Variants in UBA3 observed in about 807,000 individuals in gnomAD.
The protein encoded by UBA3 is ubiquitin like modifier activating enzyme 3.
In UBA3, 26 loss-of-function variants were observed where a neutral mutation model predicts 73.5. That is an observed-to-expected ratio of 0.35 (90% CI 0.26 to 0.49). The LOEUF is 0.49. Ranked by LOEUF, UBA3 falls within the 20% of genes least tolerant of loss-of-function variation. The probability of loss-of-function intolerance (pLI) is 0.98; values close to 1 mark genes in which losing one functional copy is unlikely to be tolerated. For missense variants in UBA3, 495 were observed against 555.6 expected, an observed-to-expected ratio of 0.89 and a Z score of 1.10; for synonymous variants, 217 against 191.2, an observed-to-expected ratio of 1.13 and a Z score of -1.11.
At chr3:69,071,512 AC>A in intron 5 of UBA3, 22 bp downstream of exon 5, 1 of 1,323,468 alleles carries the variant, frequency 7.6e-7, no homozygotes. Flanking sequence ...AAAAAAGAAA[AC>A]CGCTAAGATA....
At chr3:69,068,320 C>G (rs1242353437) in intron 5 of UBA3, among the ~76,000 whole-genome samples, 1 of 152,048 alleles carries the variant, frequency 6.6e-6, no homozygotes, top group Non-Finnish European at 1.5e-5. Flanking sequence ...CCACTTTCCA[C>G]TGTAAAAAAT....
At chr3:69,065,242 C>T (rs1434955068) in intron 6 of UBA3, among the ~76,000 whole-genome samples, 2 of 151,858 alleles carry the variant, frequency 1.3e-5, no homozygotes, top group Non-Finnish European at 2.9e-5. Flanking sequence ...ACCAACCCAC[C>T]CCCACCAACT....
chr3:69,078,763 G>A (rs2092192106), intron 2 of UBA3, among the ~76,000 whole-genome samples: 1 of 152,122 alleles, frequency 6.6e-6, no homozygotes, highest in Non-Finnish European at 1.5e-5. Context: ...ATGAGCCACC[G>A]AACCTGGCAG....
chr3:69,077,220 A>G (rs1261064656), intron 3 of UBA3: 1 of 152,050 alleles, frequency 6.6e-6, no homozygotes, highest in Non-Finnish European at 1.5e-5. Context: ...TTATGGGAGT[A>G]ACACAATATT....
At chr3:69,073,699 G>A (rs2092140928) in intron 4 of UBA3, among the ~76,000 whole-genome samples, 1 of 147,890 alleles carries the variant, frequency 6.8e-6, no homozygotes, top group South Asian at 2.2e-4. Flanking sequence ...GCAGTGGTGT[G>A]ATCTCGGCTC....
intron 5 of UBA3, among the ~76,000 whole-genome samples, chr3:69,070,556 A>G (rs1430811943): frequency 1.1e-4 from 16 of 152,180 alleles, no homozygotes; most frequent in Admixed American, 1.0e-3. Context: ...ACTTTTACCT[A>G]AACTACTCAA....
chr3:69,075,366 A>AT lies in UBA3; in HGVS notation c.264+63dup, dbSNP rs764101443. Reference sequence around the variant, plus strand: ...CACGAGAAATTCCCTAGTATGACAGATAAGTAAGGTTTACTTATCACAAAG... The same window carrying AT: ...CACGAGAAATTCCCTAGTATGACAGATTAAGTAAGGTTTACTTATCACAAAG... On this transcript the variant is annotated intron_variant, in intron 4 of 17. Transcript: ENST00000361055. The AT allele has an allele frequency of 1.0e-4, 79 of 780,090 alleles. 1 individual carries two copies. The East Asian group carries it at 1.7e-3, about 17-fold the overall frequency. The allele number at this position is 780,090 out of a possible 1,614,324, so 48.3% of individuals were successfully genotyped here.
At chr3:69,068,274 C>G (rs2092090534) in intron 5 of UBA3, among the ~76,000 whole-genome samples, 1 of 152,034 alleles carries the variant, frequency 6.6e-6, no homozygotes, top group Non-Finnish European at 1.5e-5. Flanking sequence ...AGTGTTCTTC[C>G]TCCCAGATAA....
At chr3:69,060,968 C>T (rs2092016323) in intron 11 of UBA3, among the ~76,000 whole-genome samples, 1 of 152,218 alleles carries the variant, frequency 6.6e-6, no homozygotes, top group African/African-American at 2.4e-5. Flanking sequence ...GCCTGCAGAA[C>T]CATGAGCCAA....
intron 2 of UBA3, 116 bp downstream of exon 2, chr3:69,079,996 G>T: frequency 1.0e-6 from 1 of 968,200 alleles, no homozygotes; most frequent in Non-Finnish European, 1.5e-6. Flanking sequence ...AGCGCGGCCT[G>T]CGCTCCGGGT....
At chr3:69,077,605 G>T in intron 3 of UBA3, 193 bp downstream of exon 3, 1 of 581,940 alleles carries the variant, frequency 1.7e-6, no homozygotes, top group Non-Finnish European at 2.7e-6. Context: ...TATATTACAT[G>T]AGAAATGTTA....
At chr3:69,069,157 A>T (rs1270193464) in intron 5 of UBA3, among the ~76,000 whole-genome samples, 1 of 152,098 alleles carries the variant, frequency 6.6e-6, no homozygotes, top group Non-Finnish European at 1.5e-5. Context: ...TATCATACCC[A>T]CTAGACTATT....
intron 1 of UBA3, 77 bp from the exon 2 acceptor site, chr3:69,080,230 G>C: frequency 6.7e-7 from 1 of 1,488,926 alleles, no homozygotes; most frequent in Non-Finnish European, 9.1e-7. Flanking sequence ...CGAGGGGACG[G>C]GGCGGGGGGT....
chr3:69,071,808 C>A (rs1260721365), intron 4 of UBA3, among the ~76,000 whole-genome samples, 191 bp from the exon 5 acceptor site: 2 of 152,190 alleles, frequency 1.3e-5, no homozygotes, highest in Non-Finnish European at 2.9e-5. Flanking sequence ...AGTGTACAAT[C>A]ACTCAGTTTC....
At position 69,056,633 on chromosome 3, in the gene UBA3, G is replaced by T. The variant is rs149648949; in HGVS notation, c.1062C>A (p.Tyr354Ter). 1 of 1,611,980 alleles carries T rather than the reference G, an allele frequency of 6.2e-7. No individual in the cohort carries two copies. Among genetic ancestry groups the T allele is most frequent in the Non-Finnish European group, 8.5e-7 (1 of 1,178,540 alleles). The part of the protein sequence containing the change: ...VFNDVDGLYT[Y>*]TFEAERKENC... ...TAACCTTTCTTTCTGCTTCAAATGT[G>T]TATGTATACAGCCCATCTACATCAT... The change falls in exon 14 of 18, where the codon TAC (tyrosine) becomes TAA (stop). Residue 354 changes from tyrosine to a stop codon, truncating the protein, a stop_gained. Coordinates refer to ENST00000361055, the MANE Select transcript of UBA3 (RefSeq NM_003968.4). LOFTEE classifies it high-confidence loss of function.
intron 11 of UBA3, among the ~76,000 whole-genome samples, chr3:69,061,333 T>A (rs2092019510): frequency 6.6e-6 from 1 of 152,218 alleles, no homozygotes; most frequent in Non-Finnish European, 1.5e-5. Flanking sequence ...GTAGCTGGGA[T>A]TACAGGCATG....
chr3:69,074,586 T>A lies in UBA3; in HGVS notation c.264+844A>T, dbSNP rs2092148470. Among the ~76,000 whole-genome samples, 3 of 152,220 alleles carry A rather than the reference T, an allele frequency of 2.0e-5. 1 individual carries two copies. In the South Asian group the frequency reaches 6.2e-4, roughly 31 times the overall value. Reference sequence around the variant, plus strand: ...CTTGGCCAATTATTTGGGTCCTCCATCTGGCTGTGACCTGCTTTATTTTCT... The same window carrying A: ...CTTGGCCAATTATTTGGGTCCTCCAACTGGCTGTGACCTGCTTTATTTTCT... On this transcript the variant is annotated intron_variant, in intron 4 of 17. Transcript: ENST00000361055.
At chr3:69,060,183 G>T (rs2107483409) in intron 11 of UBA3, among the ~76,000 whole-genome samples, 1 of 152,120 alleles carries the variant, frequency 6.6e-6, no homozygotes, top group Middle Eastern at 3.4e-3. Context: ...CAGGTGAAAT[G>T]AAGCTAGAAA....
At chr3:69,073,181 A>C (rs950012116) in intron 4 of UBA3, among the ~76,000 whole-genome samples, 1 of 152,152 alleles carries the variant, frequency 6.6e-6, no homozygotes, top group Non-Finnish European at 1.5e-5. Flanking sequence ...TCAGAGTAAA[A>C]GCGACAGCAC....
Sources: gnomAD v4.1 joint callset for allele counts (sites outside exome capture counted in the v4.1 genomes callset) on GRCh38, gnomAD v4.1.1 for gene constraint, MANE v1.5 for transcripts, NCBI Gene and HGNC (gene_info 2026-07-23, HGNC 2026-07-21) for gene names.